Variants in ARL9 observed in about 807,000 individuals in gnomAD.
ARL9 encodes the protein ARF like GTPase 9.
In ARL9, 14 loss-of-function variants were observed where a neutral mutation model predicts 27.0. The observed-to-expected ratio is 0.52, with a 90% confidence interval of 0.34 to 0.81. ARL9 has a LOEUF of 0.81. ARL9 is among the 30% of genes least tolerant of loss of function. The pLI, the probability that ARL9 is intolerant of heterozygous loss-of-function variation, is 0.01. For missense variants in ARL9, 294 were observed against 290.0 expected, an observed-to-expected ratio of 1.01 and a Z score of -0.10; for synonymous variants, 106 against 108.7, an observed-to-expected ratio of 0.98 and a Z score of 0.15.
At chr4:56,512,833 G>A (rs1312195324) in intron 2 of ARL9, among the ~76,000 whole-genome samples, 1 of 151,948 alleles carries the variant, frequency 6.6e-6, no homozygotes, top group Admixed American at 6.6e-5. Flanking sequence ...GAGCCACTGC[G>A]CCCAGCCCGT....
At chr4:56,512,603 G>A (rs1488301893) in intron 2 of ARL9, among the ~76,000 whole-genome samples, 2 of 148,564 alleles carry the variant, frequency 1.3e-5, no homozygotes, top group South Asian at 2.1e-4. Context: ...GCAGTGGCAC[G>A]ATCTCAGCTC....
At chr4:56,517,359 T>G (rs1473630648) in intron 2 of ARL9, among the ~76,000 whole-genome samples, 1 of 152,174 alleles carries the variant, frequency 6.6e-6, no homozygotes, top group Admixed American at 6.5e-5. Flanking sequence ...GAAACAGAGG[T>G]CCAAAAAGTT....
intron 3 of ARL9, among the ~76,000 whole-genome samples, chr4:56,521,564 A>G (rs896218770): frequency 2.6e-5 from 4 of 152,202 alleles, no homozygotes; most frequent in African/African-American, 7.2e-5. Flanking sequence ...CTTTCCAAAG[A>G]TGTTGCACAA....
intron 3 of ARL9, among the ~76,000 whole-genome samples, chr4:56,521,241 G>A (rs995661503): frequency 2.6e-5 from 4 of 151,614 alleles, no homozygotes; most frequent in Admixed American, 2.0e-4. Flanking sequence ...AAAGAGAGAG[G>A]CTGATGCTTT....
At chr4:56,505,435 C>A (rs980027986), upstream of ARL9, 2 of 459,686 alleles carry the variant, frequency 4.4e-6, no homozygotes, top group South Asian at 1.5e-5. Flanking sequence ...GGATTGAAGC[C>A]GGAGACGTCA....
At chr4:56,520,888 G>A (rs993087471) in intron 3 of ARL9, among the ~76,000 whole-genome samples, 1 of 152,016 alleles carries the variant, frequency 6.6e-6, no homozygotes, top group Non-Finnish European at 1.5e-5. Flanking sequence ...AAGCTAGTCC[G>A]GCAGATTTTG....
chr4:56,519,950 C>T (rs1326605171), intron 3 of ARL9, among the ~76,000 whole-genome samples: 1 of 151,670 alleles, frequency 6.6e-6, no homozygotes, highest in Non-Finnish European at 1.5e-5. Context: ...TCAAGTGAGT[C>T]GCATGCCTCA....
intron 1 of ARL9, among the ~76,000 whole-genome samples, chr4:56,509,195 C>T (rs1222591068): frequency 1.5e-5 from 2 of 136,456 alleles, no homozygotes; most frequent in African/African-American, 5.7e-5. Context: ...TTTTCTTTTT[C>T]TTTTTCTTTT....
intron 1 of ARL9, among the ~76,000 whole-genome samples, chr4:56,508,707 T>C (rs371300764): frequency 1.3e-5 from 2 of 152,306 alleles, no homozygotes; most frequent in East Asian, 1.9e-4. Context: ...AATTCTGTTA[T>C]TCACTATATG....
chr4:56,523,308 G>A (rs1721978363), intron 3 of ARL9, among the ~76,000 whole-genome samples: 1 of 152,206 alleles, frequency 6.6e-6, no homozygotes, highest in Non-Finnish European at 1.5e-5. Flanking sequence ...AGAATTGCTT[G>A]AACGTGGGAG....
chr4:56,523,974 C>A lies in ARL9; in HGVS notation c.*98C>A. ...GTTTCCACCTCAAATAAAAATTAAG[C>A]CATTTCCTATTTTCTCAGTGCATGG... On this transcript the variant is annotated 3_prime_UTR_variant, in exon 4 of 4. Transcript: ENST00000640821. 1 of 1,235,464 alleles carries A rather than the reference C, an allele frequency of 8.1e-7. No homozygotes were observed. Among genetic ancestry groups the A allele is most frequent in the Non-Finnish European group, 1.1e-6 (1 of 909,884 alleles). 76.5% of individuals were successfully genotyped at this position (1,235,464 alleles called of 1,614,324 possible). A position where few individuals can be genotyped will look rare whatever the true frequency, so the allele number is the denominator to read the frequency against.
At chr4:56,510,419 A>G (rs1721604188) in intron 1 of ARL9, among the ~76,000 whole-genome samples, 2 of 152,002 alleles carry the variant, frequency 1.3e-5, no homozygotes, top group Non-Finnish European at 1.5e-5. Flanking sequence ...TAGTTATTCA[A>G]TTATGAAGAC....
At chr4:56,505,454 G>A (rs374084715), upstream of ARL9, 1 of 463,064 alleles carries the variant, frequency 2.2e-6, no homozygotes, top group Non-Finnish European at 4.3e-6. Context: ...CAGACGCTAA[G>A]GTTGCTTAGA....
intron 3 of ARL9, among the ~76,000 whole-genome samples, chr4:56,523,263 C>T (rs112714168): frequency 6.6e-6 from 1 of 152,178 alleles, no homozygotes; most frequent in Admixed American, 6.5e-5. Context: ...GTGGCACACA[C>T]CTGTAGTCCC....
intron 2 of ARL9, among the ~76,000 whole-genome samples, chr4:56,514,535 T>C (rs1445217228): frequency 6.6e-6 from 1 of 152,214 alleles, no homozygotes; most frequent in Non-Finnish European, 1.5e-5. Context: ...AAGAGTATAA[T>C]ACCTGTATTA....
chr4:56,523,708 A>C lies in ARL9; in HGVS notation c.630A>C (p.Ala210=). The C allele has an allele frequency of 1.9e-6, 3 of 1,611,302 alleles. No individual in the cohort carries two copies. Among genetic ancestry groups the C allele is most frequent in the Non-Finnish European group, 2.5e-6 (3 of 1,178,650 alleles). The change falls in exon 4 of 4, where the codon GCA becomes GCC. Residue 210 remains alanine (A), a synonymous_variant. Transcript: ENST00000640821. ...CACTCCGGATGAAGGATCTTGAAGC[A>C]GCCTATCACATTACAGATATCCATG... ...VVFANKQDLE[A]AYHITDIHEA...
chr4:56,513,602 C>T (rs1211148332), intron 2 of ARL9, among the ~76,000 whole-genome samples: 1 of 152,152 alleles, frequency 6.6e-6, no homozygotes, highest in African/African-American at 2.4e-5. Context: ...TGCTCTTTCC[C>T]TCCTCCCAAA....
At chr4:56,507,893 G>A (rs547264307) in intron 1 of ARL9, among the ~76,000 whole-genome samples, 123 of 151,022 alleles carry the variant, frequency 8.1e-4, no homozygotes, top group African/African-American at 2.7e-3. Flanking sequence ...GGAAAATCGC[G>A]TGAACCTGGG....
intron 1 of ARL9, among the ~76,000 whole-genome samples, chr4:56,509,701 ATTTTTTTTT>A (rs766835732): frequency 1.0e-5 from 1 of 98,314 alleles, no homozygotes; most frequent in Non-Finnish European, 1.9e-5. Context: ...CACTGGGCTA[ATTTTTTTTT>A]TTTTTTTTTT....
Sources: gnomAD v4.1 joint callset for allele counts (sites outside exome capture counted in the v4.1 genomes callset) on GRCh38, gnomAD v4.1.1 for gene constraint, MANE v1.5 for transcripts, NCBI Gene and HGNC (gene_info 2026-07-23, HGNC 2026-07-21) for gene names.